Variants in PSMD1 observed in about 807,000 individuals in gnomAD.
PSMD1 encodes 26S proteasome non-ATPase regulatory subunit 1.
Under a neutral mutation model 119.0 loss-of-function variants are expected in PSMD1, and 18 were observed. The ratio of observed to expected loss-of-function variants is 0.15; its 90% CI spans 0.10 to 0.22. PSMD1 has a LOEUF of 0.22. PSMD1 is among the 10% of genes least tolerant of loss of function. The probability of loss-of-function intolerance (pLI) is 1.00; values close to 1 mark genes in which losing one functional copy is unlikely to be tolerated. For missense variants in PSMD1, 702 were observed against 1,158.5 expected (o/e 0.61, Z 5.72); for synonymous variants, 374 against 396.6 (o/e 0.94, Z 0.68).
intron 1 of PSMD1, among the ~76,000 whole-genome samples, chr2:231,057,525 C>T (rs1693633060): frequency 6.6e-6 from 1 of 152,200 alleles, no homozygotes; most frequent in Admixed American, 6.5e-5. Flanking sequence ...GAATGAAACC[C>T]GAAATTAGGT....
chr2:231,124,951 A>G (rs1695684154), intron 16 of PSMD1: 1 of 152,014 alleles, frequency 6.6e-6, no homozygotes, highest in African/African-American at 2.4e-5. Context: ...TTAATTCCAT[A>G]TGTGTTTATT....
chr2:231,077,766 C>G (rs531704359), intron 9 of PSMD1, among the ~76,000 whole-genome samples: 1 of 152,162 alleles, frequency 6.6e-6, no homozygotes, highest in South Asian at 2.1e-4. Context: ...TTCTCGCTCT[C>G]TTATTTATCC....
At chr2:231,057,094 CT>C in intron 1 of PSMD1, 53 bp downstream of exon 1, 1 of 1,475,074 alleles carries the variant, frequency 6.8e-7, no homozygotes. Flanking sequence ...GCCGCGCCGG[CT>C]TTTAGCTGAG....
chr2:231,123,802 T>C (rs374722927), intron 16 of PSMD1: 51 of 1,444,502 alleles, frequency 3.5e-5, no homozygotes, highest in Non-Finnish European at 4.5e-5. Flanking sequence ...TTCCGAACAG[T>C]GGTCAGCATG....
intron 9 of PSMD1, 85 bp from the exon 10 acceptor site, chr2:231,078,574 A>G: frequency 1.1e-6 from 1 of 907,512 alleles, no homozygotes; most frequent in African/African-American, 1.7e-5. Flanking sequence ...TTTACCACAA[A>G]ATAGGACCTC....
chr2:231,058,445 C>T (rs573697836), intron 1 of PSMD1, among the ~76,000 whole-genome samples: 7 of 152,246 alleles, frequency 4.6e-5, no homozygotes, highest in Admixed American at 1.3e-4. Context: ...TTAGAGCAGC[C>T]GTGTCCAACC....
Position 231,144,202 on chromosome 2 carries a change from G to A in PSMD1, c.1999-2038G>A, listed in dbSNP as rs1024628659. ...CTCTCAGAGTGTTGGGATTACAGGC[G>A]TGAGCCATCGCACCCAACCTTACGC... On this transcript the variant is annotated intron_variant, in intron 17 of 24. Coordinates refer to ENST00000308696, the MANE Select transcript of PSMD1 (RefSeq NM_002807.4). 4.6e-5 allele frequency among the ~76,000 whole-genome samples: 7 copies of A among 151,146 alleles called. No homozygotes were observed. In the East Asian group the frequency reaches 7.8e-4, roughly 17 times the overall value.
At chr2:231,141,839 AGTTTT>A (rs1160979533) in intron 17 of PSMD1, among the ~76,000 whole-genome samples, 2 of 151,868 alleles carry the variant, frequency 1.3e-5, no homozygotes, top group Non-Finnish European at 2.9e-5. Flanking sequence ...GTCATTACAG[AGTTTT>A]GTTTTTTATT....
chr2:231,110,299 G>A (rs954192471), intron 16 of PSMD1, among the ~76,000 whole-genome samples: 9 of 152,078 alleles, frequency 5.9e-5, no homozygotes, highest in Non-Finnish European at 8.8e-5. Flanking sequence ...CACGCTCAGC[G>A]ACAAAGTAAG....
intron 17 of PSMD1, among the ~76,000 whole-genome samples, chr2:231,145,466 GA>G (rs1359125833): frequency 6.6e-6 from 1 of 152,124 alleles, no homozygotes; most frequent in Non-Finnish European, 1.5e-5. Context: ...CACTATAATA[GA>G]CTTTATAAAC....
chr2:231,101,780 C>T (rs181741075), intron 16 of PSMD1, among the ~76,000 whole-genome samples: 5 of 152,260 alleles, frequency 3.3e-5, no homozygotes, highest in Admixed American at 2.0e-4. Flanking sequence ...GCACTGAGGG[C>T]TCAGATGGTC....
chr2:231,123,464 A>G (rs751056028), intron 16 of PSMD1: 1 of 1,614,054 alleles, frequency 6.2e-7, no homozygotes, highest in East Asian at 2.2e-5. Context: ...CCAACCAGCA[A>G]ATCAGCCACC....
At chr2:231,158,291 C>T (rs1408542405) in intron 19 of PSMD1, among the ~76,000 whole-genome samples, 1 of 151,870 alleles carries the variant, frequency 6.6e-6, no homozygotes, top group East Asian at 1.9e-4. Context: ...GCCTGGACGA[C>T]AGAATGAGAC....
intron 16 of PSMD1, among the ~76,000 whole-genome samples, chr2:231,130,067 G>A (rs1695818810): frequency 6.6e-6 from 1 of 152,014 alleles, no homozygotes; most frequent in Non-Finnish European, 1.5e-5. Context: ...TGGCCAGGCT[G>A]GTCTCAAACT....
intron 16 of PSMD1, among the ~76,000 whole-genome samples, chr2:231,114,940 A>C (rs951508748): frequency 5.3e-5 from 8 of 152,310 alleles, no homozygotes; most frequent in Non-Finnish European, 8.8e-5. Context: ...TAGAGAACAG[A>C]TGTCATGCAT....
intron 21 of PSMD1, among the ~76,000 whole-genome samples, chr2:231,163,994 C>T (rs1197031286): frequency 6.6e-6 from 1 of 152,198 alleles, no homozygotes; most frequent in Admixed American, 6.5e-5. Flanking sequence ...TTATTCTCTA[C>T]ATACTTTTCT....
At chr2:231,139,559 A>T (rs1329612313) in intron 17 of PSMD1, among the ~76,000 whole-genome samples, 2 of 35,220 alleles carry the variant, frequency 5.7e-5, no homozygotes, top group Admixed American at 2.2e-4. Flanking sequence ...TTGATTTCTT[A>T]AAAAAAAAAA....
In PSMD1 at chr2:231,170,682, C is replaced by G; in HGVS notation, c.2832C>G (p.Pro944=). The stretch of plus-strand genomic sequence containing the variant: ...AGGAGGAGGAACAAGAGCCAGAACC[C>G]CCAGAACCATTTGAGTATATTGATG... ...KIEEEEQEPE[P]PEPFEYIDD Residue 944 remains proline, a synonymous_variant, in exon 24 of 25, where the codon CCC becomes CCG. Transcript: ENST00000308696. The surrounding 1 kb of genome is among the most constrained non-coding windows in gnomAD (Gnocchi z 4.1). The G allele has an allele frequency of 1.2e-6, 2 of 1,613,726 alleles. No homozygotes were observed. Among genetic ancestry groups the G allele is most frequent in the Non-Finnish European group, 1.7e-6 (2 of 1,179,892 alleles).
intron 16 of PSMD1, among the ~76,000 whole-genome samples, chr2:231,100,680 A>G (rs905799849): frequency 6.6e-6 from 1 of 152,130 alleles, no homozygotes; most frequent in Non-Finnish European, 1.5e-5. Flanking sequence ...GAAATTTAGA[A>G]CTCATATCTA....
Sources: allele counts gnomAD v4.1 joint callset (sites outside exome capture counted in the v4.1 genomes callset), GRCh38; gene constraint gnomAD v4.1.1; non-coding constraint Gnocchi (gnomAD v3.1); transcripts MANE v1.5; gene names NCBI Gene and HGNC (gene_info 2026-07-23, HGNC 2026-07-21).